The following CNTRL variants were observed in gnomAD, a reference collection of about 807,000 sequenced individuals.
The protein encoded by CNTRL is 110 kDa centrosomal protein.
Under a neutral mutation model 303.7 loss-of-function variants are expected in CNTRL, and 233 were observed. The observed-to-expected ratio is 0.77, with a 90% confidence interval of 0.69 to 0.86. The LOEUF is 0.86. CNTRL is among the 40% of genes least tolerant of loss of function. The pLI is 0.00. For synonymous variants in CNTRL, 900 were observed against 922.2 expected (o/e 0.98, Z 0.44); for missense variants, 2,524 against 2,650.6 (o/e 0.95, Z 1.05).
rs781290627 is a variant in CNTRL at position 121,152,549 on chromosome 9, G to A, written c.4028G>A (p.Arg1343Lys). 1.9e-6 allele frequency: 3 copies of A among 1,614,020 alleles called. No homozygotes were observed. Among genetic ancestry groups the A allele is most frequent in the South Asian group, 1.1e-5 (1 of 91,078 alleles). Residue 1343 changes from arginine to lysine, a missense_variant, in exon 26 of 44, where the codon AGG (arginine) becomes AAG (lysine). Physicochemically the swap from Arg to Lys is conservative, Grantham distance 26. Coordinates refer to ENST00000373855, the MANE Select transcript of CNTRL (RefSeq NM_007018.6). ...QHLKSKKREE[R>K]WMRASKRQSE... ...TTAAAATCAAAGAAGCGGGAAGAAA[G>A]GTGGATGAGAGCATCCAAGCGGCAG...
chr9:121,168,481 A>G (rs181502313), intron 38 of CNTRL, among the ~76,000 whole-genome samples, 160 bp downstream of exon 38: 27 of 152,306 alleles, frequency 1.8e-4, no homozygotes, highest in East Asian at 3.9e-4. Context: ...AAGATGAGGA[A>G]GCAGGTTCAG....
chr9:121,174,812 C>T (rs1304647932), intron 42 of CNTRL, among the ~76,000 whole-genome samples: 1 of 152,070 alleles, frequency 6.6e-6, no homozygotes, highest in Non-Finnish European at 1.5e-5. Context: ...GTGAAAGACC[C>T]CGTTAATGAC....
In CNTRL at chr9:121,128,662, T is replaced by A. The variant is rs185761548; in HGVS notation, c.2025+2726T>A. Among the ~76,000 whole-genome samples the A allele has an allele frequency of 2.0e-3, 304 of 152,274 alleles. 7 individuals carry two copies. In the East Asian group the frequency reaches 0.053, roughly 26 times the overall value. ...TTGGTTTAATTAGATCCCATTTGTC[T>A]ATTTTGGCTTTTGTTGCCATTGCTT... On this transcript the variant is annotated intron_variant, in intron 14 of 43. Coordinates refer to ENST00000373855, the MANE Select transcript of CNTRL (RefSeq NM_007018.6).
chr9:121,159,104 A>G (rs2052729302), intron 31 of CNTRL, 85 bp downstream of exon 31: 1 of 1,323,352 alleles, frequency 7.6e-7, no homozygotes. Flanking sequence ...TTCTCCCCAA[A>G]TGAAAATATA....
At chr9:121,174,173 G>A (rs1036374015) in intron 42 of CNTRL, among the ~76,000 whole-genome samples, 5 of 152,166 alleles carry the variant, frequency 3.3e-5, no homozygotes, top group Non-Finnish European at 5.9e-5. Context: ...TCCAGGGAAG[G>A]ATATCTGTCT....
intron 14 of CNTRL, among the ~76,000 whole-genome samples, chr9:121,133,107 TGAG>T (rs2050965573): frequency 6.6e-6 from 1 of 152,212 alleles, no homozygotes; most frequent in Non-Finnish European, 1.5e-5. Flanking sequence ...GGGACCCACT[TGAG>T]GAGGCAGTCT....
intron 2 of CNTRL, among the ~76,000 whole-genome samples, chr9:121,082,827 A>C (rs1411928559): frequency 6.6e-6 from 1 of 152,046 alleles, no homozygotes; most frequent in Non-Finnish European, 1.5e-5. Context: ...AAAATTAGCC[A>C]GGCGTGGTGG....
intron 7 of CNTRL, among the ~76,000 whole-genome samples, chr9:121,103,200 G>T (rs897623287): frequency 1.3e-5 from 2 of 152,018 alleles, no homozygotes; most frequent in African/African-American, 2.4e-5. Context: ...CCAAAACAGA[G>T]ATATAGACCA....
At chr9:121,129,667 C>G (rs373080559) in intron 14 of CNTRL, among the ~76,000 whole-genome samples, 2 of 152,166 alleles carry the variant, frequency 1.3e-5, no homozygotes, top group African/African-American at 4.8e-5. Flanking sequence ...ACTTCCAACA[C>G]TATGTTGAAT....
chr9:121,157,075 G>T (rs1370361219), intron 27 of CNTRL, among the ~76,000 whole-genome samples: 1 of 151,378 alleles, frequency 6.6e-6, no homozygotes, highest in Non-Finnish European at 1.5e-5. Flanking sequence ...TAGTCTTTCT[G>T]TCTTTGTTGA....
chr9:121,147,895 G>A (rs2051976006), intron 23 of CNTRL, among the ~76,000 whole-genome samples: 1 of 152,176 alleles, frequency 6.6e-6, no homozygotes, highest in African/African-American at 2.4e-5. Context: ...AGCCTGAGCT[G>A]GGTGAGGGTT....
Position 121,096,468 on chromosome 9 carries a change from C to T in CNTRL, c.526C>T (p.Leu176Phe). 6.4e-7 allele frequency: 1 copy of T among 1,572,982 alleles called. No individual in the cohort carries two copies. Among genetic ancestry groups the T allele is most frequent in the South Asian group, 1.2e-5 (1 of 83,144 alleles). ...TATGTGTAATCTGCAAAAGCTTAACCTTGCAGGAAATGAAATTGAGCATAT... is the reference window on the plus strand; with the variant it reads ...TATGTGTAATCTGCAAAAGCTTAACTTTGCAGGAAATGAAATTGAGCATAT... ...ENMCNLQKLNLAGNEIEHIPV... is the reference protein window; with the variant it reads ...ENMCNLQKLNFAGNEIEHIPV... Residue 176 changes from leucine (L) to phenylalanine (F), a missense_variant, in exon 6 of 44, where the codon CTT becomes TTT. Physicochemically the swap from Leu to Phe is conservative, Grantham distance 22. Coordinates refer to ENST00000373855, the MANE Select transcript of CNTRL (RefSeq NM_007018.6).
At position 121,105,047 on chromosome 9, in the gene CNTRL, C is replaced by T. The variant is rs1237654589; in HGVS notation, c.809-2755C>T. On this transcript the variant is annotated intron_variant, in intron 7 of 43. Transcript: ENST00000373855. ...TTTTTAAAAAGCAGCAATAGGACAT[C>T]ATTTTTGATACAGAGAATGATTTGG... Among the ~76,000 whole-genome samples the T allele has an allele frequency of 2.0e-5, 3 of 152,138 alleles. No homozygotes were observed. In the East Asian group the frequency reaches 5.8e-4, roughly 29 times the overall value.
At chr9:121,127,627 CAT>C (rs1182174858) in intron 14 of CNTRL, among the ~76,000 whole-genome samples, 1 of 151,910 alleles carries the variant, frequency 6.6e-6, no homozygotes, top group East Asian at 1.9e-4. Flanking sequence ...TTTATCTCCT[CAT>C]ATGTAATTTC....
At chr9:121,104,463 G>A (rs141733094) in intron 7 of CNTRL, among the ~76,000 whole-genome samples, 3,140 of 152,044 alleles carry the variant, frequency 0.021, 93 homozygotes, top group African/African-American at 0.072. Flanking sequence ...AACATGGCAC[G>A]TGTATACATA....
intron 6 of CNTRL, among the ~76,000 whole-genome samples, chr9:121,097,557 A>G (rs1400963646): frequency 4.1e-5 from 6 of 146,426 alleles, no homozygotes; most frequent in South Asian, 4.7e-4. Flanking sequence ...AACAATACCT[A>G]TGCTTTCTAA....
chr9:121,075,413 C>T (rs940399480), intron 1 of CNTRL, among the ~76,000 whole-genome samples: 1 of 152,148 alleles, frequency 6.6e-6, no homozygotes, highest in Admixed American at 6.5e-5. Context: ...TGGGATGTGC[C>T]AGCTGTCTGT....
chr9:121,100,718 T>C (rs2049119058), intron 7 of CNTRL, among the ~76,000 whole-genome samples: 1 of 152,156 alleles, frequency 6.6e-6, no homozygotes, highest in Non-Finnish European at 1.5e-5. Flanking sequence ...GAGGAAGATC[T>C]ACCAAGCAAA....
chr9:121,173,303 CTT>C lies in CNTRL; in HGVS notation c.6479_6480del (p.Leu2160GlnfsTer3), dbSNP rs2053385124. ...GGAAATCAGTGATGCAATGAGGACACTTAAATCTGAGGTGAAGGATGAAATCA... is the reference window on the plus strand; with the variant it reads ...GGAAATCAGTGATGCAATGAGGACACAAATCTGAGGTGAAGGATGAAATCA... ...QMEISDAMRT[L>X]KSEVKDEIRT... On this transcript the variant is annotated frameshift_variant, in exon 41 of 44. Transcript: ENST00000373855. LOFTEE classifies it high-confidence loss of function. 1.2e-6 allele frequency: 2 copies of C among 1,614,034 alleles called. No homozygotes were observed. Among genetic ancestry groups the C allele is most frequent in the South Asian group, 1.1e-5 (1 of 91,074 alleles).
Sources: allele counts gnomAD v4.1 joint callset (sites outside exome capture counted in the v4.1 genomes callset), GRCh38; gene constraint gnomAD v4.1.1; transcripts MANE v1.5; gene names NCBI Gene and HGNC (gene_info 2026-07-23, HGNC 2026-07-21).